EPHB2: variants seen among roughly 807,000 people sequenced by gnomAD.
The protein encoded by EPHB2 is ephrin type-B receptor 2.
A neutral mutation model predicts 96.4 loss-of-function variants in EPHB2; 18 were observed. The ratio of observed to expected loss-of-function variants is 0.19; its 90% CI spans 0.13 to 0.28. The LOEUF (loss-of-function observed/expected upper bound fraction) is 0.28. EPHB2 is among the 10% of genes least tolerant of loss of function. The pLI is 1.00. For missense variants in EPHB2, 989 were observed against 1,355.4 expected (o/e 0.73, Z 4.25); for synonymous variants, 506 against 534.1 (o/e 0.95, Z 0.72).
intron 1 of EPHB2, among the ~76,000 whole-genome samples, chr1:22,759,068 G>A (rs895932016): frequency 6.6e-6 from 1 of 152,060 alleles, no homozygotes; most frequent in Non-Finnish European, 1.5e-5. Flanking sequence ...TCATGAACAC[G>A]CCAGAAAATG....
At chr1:22,762,403 G>A (rs1017455569) in intron 1 of EPHB2, among the ~76,000 whole-genome samples, 3 of 152,226 alleles carry the variant, frequency 2.0e-5, no homozygotes, top group African/African-American at 7.2e-5. Flanking sequence ...AAGGAAGGTA[G>A]CCTCTTCTGG....
At chr1:22,882,206 G>C (rs1382525520) in intron 5 of EPHB2, 153 bp from the exon 6 acceptor site, 2 of 828,438 alleles carry the variant, frequency 2.4e-6, no homozygotes, top group African/African-American at 3.7e-5. Flanking sequence ...TCTGCCCCCT[G>C]TCGGCTCCCC....
rs1640149351 is a variant in EPHB2 at position 22,912,722 on chromosome 1, G to A, written c.2852+123G>A. 4 of 1,473,138 alleles carry A rather than the reference G, an allele frequency of 2.7e-6. No homozygotes were observed. The South Asian group carries it at 4.7e-5, about 17-fold the overall frequency. The allele number at this position is 1,473,138 out of a possible 1,614,324, so 91.3% of individuals were successfully genotyped here. A position where few individuals can be genotyped will look rare whatever the true frequency, so the allele number is the denominator to read the frequency against. On this transcript the variant is annotated intron_variant, in intron 15 of 15. Coordinates refer to ENST00000374630, the MANE Select transcript of EPHB2 (RefSeq NM_017449.5). ...GTCCCAATAGGGAAGCAGGGACCAA[G>A]GGGCAAGATGGCCAACTTTGGAGTC...
intron 1 of EPHB2, among the ~76,000 whole-genome samples, chr1:22,751,011 A>AT (rs1272758540): frequency 2.6e-5 from 4 of 152,172 alleles, no homozygotes; most frequent in African/African-American, 9.7e-5. Context: ...CAGTAGCCTG[A>AT]TTTTTTCCTT....
intron 1 of EPHB2, among the ~76,000 whole-genome samples, chr1:22,713,655 T>C (rs1440507283): frequency 6.6e-6 from 1 of 152,182 alleles, no homozygotes; most frequent in Non-Finnish European, 1.5e-5. Context: ...GAGACAGGAC[T>C]GGGCCGTGGA....
At chr1:22,778,990 G>A (rs1186057859) in intron 1 of EPHB2, among the ~76,000 whole-genome samples, 1 of 152,106 alleles carries the variant, frequency 6.6e-6, no homozygotes, top group Non-Finnish European at 1.5e-5. Flanking sequence ...CACCTGCTTG[G>A]CAGCCTTGCC....
Position 22,910,475 on chromosome 1 carries a change from G to A in EPHB2, c.2596G>A (p.Asp866Asn). The A allele has an allele frequency of 6.2e-7, 1 of 1,613,244 alleles. No homozygotes were observed. The highest frequency in any genetic ancestry group is 8.5e-7 in the Non-Finnish European group (1 of 1,180,022). ...HQLMLDCWQK[D>N]RNHRPKFGQI... is the part of the protein sequence containing the mutation. ...ACTCATGCTGGACTGTTGGCAGAAG[G>A]ACCGCAACCACCGGCCCAAGTTCGG... Residue 866 changes from aspartate to asparagine, a missense_variant, in exon 14 of 16, where the codon GAC becomes AAC. Physicochemically the swap from Asp to Asn is conservative, Grantham distance 23. Transcript: ENST00000374630.
chr1:22,905,742 G>A (rs1049783503), intron 9 of EPHB2, among the ~76,000 whole-genome samples: 3 of 152,196 alleles, frequency 2.0e-5, no homozygotes, highest in African/African-American at 7.2e-5. Context: ...ATCAGTGAGA[G>A]TTGGAACAAG....
At chr1:22,854,203 G>A (rs1645666569) in intron 3 of EPHB2, among the ~76,000 whole-genome samples, 1 of 152,146 alleles carries the variant, frequency 6.6e-6, no homozygotes, top group Admixed American at 6.5e-5. Flanking sequence ...CTTAAGGATG[G>A]GGGTTTTAGA....
chr1:22,740,406 G>A (rs1438736844), intron 1 of EPHB2, among the ~76,000 whole-genome samples: 1 of 152,208 alleles, frequency 6.6e-6, no homozygotes, highest in Non-Finnish European at 1.5e-5. Context: ...TGAAATGCCA[G>A]TGGTACCCAG....
At chr1:22,806,496 C>T (rs567355344) in intron 3 of EPHB2, among the ~76,000 whole-genome samples, 2,317 of 118,266 alleles carry the variant, frequency 0.02, 65 homozygotes, top group African/African-American at 0.063. Flanking sequence ...GACGGACGGA[C>T]GGACGGACGG....
At chr1:22,822,085 T>C (rs183354047) in intron 3 of EPHB2, among the ~76,000 whole-genome samples, 41 of 152,368 alleles carry the variant, frequency 2.7e-4, no homozygotes, top group African/African-American at 9.6e-4. Context: ...AAGTATCTCC[T>C]TATTGCTAGA....
At chr1:22,712,491 C>T (rs1326448424) in intron 1 of EPHB2, among the ~76,000 whole-genome samples, 1 of 152,144 alleles carries the variant, frequency 6.6e-6, no homozygotes, top group Non-Finnish European at 1.5e-5. Flanking sequence ...GTGGGGGCTG[C>T]GGCCTCTGGG....
At chr1:22,801,987 G>T (rs901706531) in intron 3 of EPHB2, among the ~76,000 whole-genome samples, 15 of 152,356 alleles carry the variant, frequency 9.8e-5, no homozygotes, top group African/African-American at 3.6e-4. Flanking sequence ...GCTGCAAGCA[G>T]CGCGGGGCCT....
rs562942827 is a variant in EPHB2, at chr1:22,846,277, A to G, written c.812-16760A>G. Among the ~76,000 whole-genome samples, 1 of 152,188 alleles carries G rather than the reference A, an allele frequency of 6.6e-6. No homozygotes were observed. Among genetic ancestry groups the G allele is most frequent in the Non-Finnish European group, 1.5e-5 (1 of 68,012 alleles). On this transcript the variant is annotated intron_variant, in intron 3 of 15. Coordinates refer to ENST00000374630, the MANE Select transcript of EPHB2 (RefSeq NM_017449.5). This position sits in a 1 kb window ranked among gnomAD's most constrained non-coding sequence, Gnocchi z 4.3. Reference sequence around the variant, plus strand: ...GACTAAAAATATAAAATAGTCGGGCATAGTGACGTGCGCCTGTAATCCCAG... The same window carrying G: ...GACTAAAAATATAAAATAGTCGGGCGTAGTGACGTGCGCCTGTAATCCCAG...
Position 22,865,632 on chromosome 1 carries a change from G to C in EPHB2, c.1303+420G>C, listed in dbSNP as rs897508466. Among the ~76,000 whole-genome samples the C allele has an allele frequency of 2.6e-5, 4 of 152,300 alleles. No individual in the cohort carries two copies. In the East Asian group the frequency reaches 5.8e-4, roughly 22 times the overall value. On this transcript the variant is annotated intron_variant, in intron 5 of 15. Coordinates refer to ENST00000374630, the MANE Select transcript of EPHB2 (RefSeq NM_017449.5). ...GCTCCTTGTCTGTATGATTCAAGCT[G>C]AGTCTCAGGCATGTCTGTGCGAAGA...
Position 22,801,155 on chromosome 1 carries a change from C to T in EPHB2, c.811+16079C>T, listed in dbSNP as rs115946562. Among the ~76,000 whole-genome samples, 1,117 of 152,300 alleles carry T rather than the reference C, an allele frequency of 7.3e-3. 14 individuals are homozygous for T. The highest frequency in any genetic ancestry group is 0.025 in the African/African-American group (1,045 of 41,574). On this transcript the variant is annotated intron_variant, in intron 3 of 15. Transcript: ENST00000374630. ...CTGAGCCTCGGGTTCCTCCTCTGCC[C>T]GATAGGCACAGGGTGGTGGTGAAGA...
rs148069661 is a variant in EPHB2, at chr1:22,791,720, G to A, written c.811+6644G>A. ...TAGGATCCCATAGAATAAATGTACCGTAATTTATTTACTACTGCTCTGTTG... is the reference window on the plus strand; with the variant it reads ...TAGGATCCCATAGAATAAATGTACCATAATTTATTTACTACTGCTCTGTTG... On this transcript the variant is annotated intron_variant, in intron 3 of 15. Transcript: ENST00000374630. Among the ~76,000 whole-genome samples, 198 of 152,134 alleles carry A rather than the reference G, an allele frequency of 1.3e-3. 2 individuals carry two copies. The highest frequency in any genetic ancestry group is 4.7e-3 in the African/African-American group (194 of 41,500).
intron 3 of EPHB2, among the ~76,000 whole-genome samples, chr1:22,799,898 C>G (rs1177518313): frequency 6.6e-6 from 1 of 152,202 alleles, no homozygotes; most frequent in Non-Finnish European, 1.5e-5. Context: ...TATACTGGCT[C>G]CTTCTAGGAA....
Sources: allele counts gnomAD v4.1 joint callset (sites outside exome capture counted in the v4.1 genomes callset), GRCh38; gene constraint gnomAD v4.1.1; non-coding constraint Gnocchi (gnomAD v3.1); transcripts MANE v1.5; gene names NCBI Gene and HGNC (gene_info 2026-07-23, HGNC 2026-07-21).